The following HMGXB3 variants were observed in gnomAD, a reference collection of about 807,000 sequenced individuals.
The protein encoded by HMGXB3 is HMG-box containing 3.
HMGXB3 carries 45 observed loss-of-function variants against 121.5 expected under a neutral mutation model. The ratio of observed to expected loss-of-function variants is 0.37; its 90% CI spans 0.29 to 0.47. The LOEUF is 0.47. Ranked by LOEUF, HMGXB3 falls within the 20% of genes least tolerant of loss-of-function variation. The pLI, the probability that HMGXB3 is intolerant of heterozygous loss-of-function variation, is 0.99. For missense variants in HMGXB3, 1,376 were observed against 1,602.2 expected, an observed-to-expected ratio of 0.86 and a Z score of 2.41; for synonymous variants, 590 against 624.1, an observed-to-expected ratio of 0.95 and a Z score of 0.81.
In HMGXB3 at chr5:150,032,370, C is replaced by T. The variant is rs1272182547; in HGVS notation, c.1834-84C>T. ...AGTTGCCACTCTCTTCTCTGATTTA[C>T]TGGCAGCTGCTCATTCTGGTTCTGG... On this transcript the variant is annotated intron_variant, in intron 10 of 19. Transcript: ENST00000502717. 4.6e-6 allele frequency: 6 copies of T among 1,298,078 alleles called. No individual in the cohort carries two copies. The East Asian group carries it at 1.5e-4, about 33-fold the overall frequency. 80.4% of individuals were successfully genotyped at this position (1,298,078 alleles called of 1,614,324 possible). A position where few individuals can be genotyped will look rare whatever the true frequency, so the allele number is the denominator to read the frequency against.
chr5:150,041,643 C>T (rs1237174493), intron 14 of HMGXB3, 142 bp from the exon 15 acceptor site: 6 of 641,492 alleles, frequency 9.4e-6, no homozygotes, highest in African/African-American at 1.8e-5. Context: ...GATCCCTGAC[C>T]CTCAGGGTAG....
intron 11 of HMGXB3, among the ~76,000 whole-genome samples, chr5:150,035,919 C>G (rs1286827290): frequency 6.6e-6 from 1 of 151,940 alleles, no homozygotes; most frequent in Non-Finnish European, 1.5e-5. Flanking sequence ...TGTATCAAAA[C>G]TATCATTCAT....
intron 11 of HMGXB3, among the ~76,000 whole-genome samples, chr5:150,033,379 G>C (rs1756425839): frequency 6.6e-6 from 1 of 152,198 alleles, no homozygotes; most frequent in South Asian, 2.1e-4. Flanking sequence ...GCTGGACCTT[G>C]AAAGGCAGGC....
Position 150,052,259 on chromosome 5 carries a change from C to T in HMGXB3, c.*67C>T. On this transcript the variant is annotated 3_prime_UTR_variant, in exon 20 of 20. Transcript: ENST00000502717. ...AGTAAGGCCCTTGCCTGAGGCAGAG[C>T]TATCCAGGGGACCTGCAGAAGTGGT... is the stretch of plus-strand genomic sequence containing the variant. 1.6e-6 allele frequency: 2 copies of T among 1,289,580 alleles called. No individual in the cohort carries two copies. The highest frequency in any genetic ancestry group is 2.1e-6 in the Non-Finnish European group (2 of 940,976). The allele number at this position is 1,289,580 out of a possible 1,614,324, so 79.9% of individuals were successfully genotyped here.
intron 4 of HMGXB3, among the ~76,000 whole-genome samples, chr5:150,011,182 T>TG (rs750671649): frequency 1.3e-5 from 2 of 152,126 alleles, no homozygotes; most frequent in Non-Finnish European, 2.9e-5. Flanking sequence ...TGGATTCAGA[T>TG]GGGGTAGGAA....
chr5:150,031,681 T>C (rs1187382830), intron 10 of HMGXB3, among the ~76,000 whole-genome samples: 1 of 152,218 alleles, frequency 6.6e-6, no homozygotes, highest in Non-Finnish European at 1.5e-5. Context: ...CAGCTAGATT[T>C]TTAAAAAGTC....
At chr5:150,002,288 G>A (rs962940165) in intron 1 of HMGXB3, among the ~76,000 whole-genome samples, 1 of 152,106 alleles carries the variant, frequency 6.6e-6, no homozygotes, top group Admixed American at 6.5e-5. Context: ...ATTGTCAAAA[G>A]AATTCTTGCC....
chr5:150,046,225 C>T (rs58861317), intron 16 of HMGXB3, among the ~76,000 whole-genome samples: 30,617 of 152,012 alleles, frequency 0.2, 4,376 homozygotes, highest in African/African-American at 0.39. Flanking sequence ...AAAGAGGGTG[C>T]GATAATAGCT....
chr5:150,039,288 C>A lies in HMGXB3; in HGVS notation c.2414-1460C>A, dbSNP rs572875321. Among the ~76,000 whole-genome samples the A allele has an allele frequency of 7.9e-5, 12 of 152,280 alleles. No individual in the cohort carries two copies. The South Asian group carries it at 2.5e-3, about 32-fold the overall frequency. On this transcript the variant is annotated intron_variant, in intron 13 of 19. Coordinates refer to ENST00000502717, the MANE Select transcript of HMGXB3 (RefSeq NM_014983.3). ...TCTTCCAGTCCATAGTCTTTCTCTC[C>A]ATTTTAATAGGTTGTCAGTTTTTCT...
At chr5:150,042,029 T>C in intron 15 of HMGXB3, 60 bp downstream of exon 15, 2 of 1,392,544 alleles carry the variant, frequency 1.4e-6, no homozygotes. Flanking sequence ...GGCACCTCCC[T>C]TCCTATATGA....
At chr5:150,022,789 G>T (rs1394708066) in intron 6 of HMGXB3, among the ~76,000 whole-genome samples, 1 of 149,846 alleles carries the variant, frequency 6.7e-6, no homozygotes, top group African/African-American at 2.5e-5. Context: ...TTACCAAAGA[G>T]CTCTTAAGAG....
intron 6 of HMGXB3, among the ~76,000 whole-genome samples, chr5:150,021,231 G>A (rs988680920): frequency 4.6e-5 from 7 of 152,146 alleles, no homozygotes; most frequent in African/African-American, 1.2e-4. Context: ...TGAGAAGACA[G>A]GTAACATTTT....
intron 13 of HMGXB3, among the ~76,000 whole-genome samples, chr5:150,039,603 A>G (rs575522055): frequency 6.6e-6 from 1 of 151,220 alleles, no homozygotes; most frequent in African/African-American, 2.4e-5. Flanking sequence ...TTCTATAGTA[A>G]ATTTCTTTTG....
At chr5:150,012,023 G>A (rs1359767188) in intron 4 of HMGXB3, among the ~76,000 whole-genome samples, 1 of 152,206 alleles carries the variant, frequency 6.6e-6, no homozygotes, top group East Asian at 1.9e-4. Context: ...AAATGTCTTA[G>A]AACCTCAGTT....
intron 4 of HMGXB3, 116 bp from the exon 5 acceptor site, chr5:150,012,139 T>C (rs1426047493): frequency 1.5e-6 from 1 of 685,120 alleles, no homozygotes; most frequent in Non-Finnish European, 2.6e-6. Flanking sequence ...GATAAGCACA[T>C]TGGGATGAGT....
rs974875339 is a variant in HMGXB3, at chr5:150,032,434, C to G, written c.1834-20C>G. 7.3e-5 allele frequency: 113 copies of G among 1,549,192 alleles called. No individual in the cohort carries two copies. The highest frequency in any genetic ancestry group is 8.9e-5 in the Non-Finnish European group (102 of 1,145,294). ...TTAACTTAATTTTTGTAGAATTGAA[C>G]ACTGGTCTTACTTTTTTAGGATTTG... On this transcript the variant is annotated intron_variant, in intron 10 of 19. Coordinates refer to ENST00000502717, the MANE Select transcript of HMGXB3 (RefSeq NM_014983.3).
chr5:150,002,100 G>A (rs892471541), intron 1 of HMGXB3, among the ~76,000 whole-genome samples: 1 of 152,132 alleles, frequency 6.6e-6, no homozygotes, highest in African/African-American at 2.4e-5. Flanking sequence ...TTTAGTTTTT[G>A]TTTTTAATAG....
chr5:150,052,055 A>G lies in HMGXB3; in HGVS notation c.3742A>G (p.Ile1248Val). Residue 1248 changes from isoleucine to valine, a missense_variant, in exon 20 of 20, where the codon ATC (isoleucine) becomes GTC (valine). Coordinates refer to ENST00000502717, the MANE Select transcript of HMGXB3 (RefSeq NM_014983.3). ...LTSREIVNRQ[I>V]HDIVQSCQPG... is the part of the protein sequence containing the mutation. ...CAGCCGCGAAATTGTCAATCGTCAG[A>G]TCCATGACATTGTACAGAGCTGCCA... The G allele has an allele frequency of 6.4e-7, 1 of 1,551,964 alleles. No homozygotes were observed. Among genetic ancestry groups the G allele is most frequent in the Non-Finnish European group, 8.7e-7 (1 of 1,147,058 alleles).
intron 6 of HMGXB3, among the ~76,000 whole-genome samples, chr5:150,021,183 T>C (rs1756084353): frequency 6.6e-6 from 1 of 152,372 alleles, no homozygotes; most frequent in Middle Eastern, 3.4e-3. Flanking sequence ...CAAGAGTAGA[T>C]ACTGTGATTT....
Sources: allele counts gnomAD v4.1 joint callset (sites outside exome capture counted in the v4.1 genomes callset), GRCh38; gene constraint gnomAD v4.1.1; transcripts MANE v1.5; gene names NCBI Gene and HGNC (gene_info 2026-07-23, HGNC 2026-07-21).